Variants in MIPOL1 observed in about 807,000 individuals in gnomAD.
The protein encoded by MIPOL1 is mirror-image polydactyly gene 1 protein.
Under a neutral mutation model 60.9 loss-of-function variants are expected in MIPOL1, and 57 were observed. That is an observed-to-expected ratio of 0.94 (90% CI 0.76 to 1.17). The LOEUF is 1.17. MIPOL1 is among the 50% of genes most tolerant of loss of function. The pLI is 0.00. For missense variants in MIPOL1, 551 were observed against 511.6 expected (o/e 1.08, Z -0.74); for synonymous variants, 179 against 168.8 (o/e 1.06, Z -0.47).
intron 11 of MIPOL1, among the ~76,000 whole-genome samples, chr14:37,442,706 A>G (rs925699315): frequency 6.6e-6 from 1 of 151,274 alleles, no homozygotes; most frequent in African/African-American, 2.4e-5. Context: ...AAGGTACCAT[A>G]AAAAAAAGAA....
chr14:37,373,569 A>T (rs2092698803), intron 10 of MIPOL1, among the ~76,000 whole-genome samples: 1 of 151,440 alleles, frequency 6.6e-6, no homozygotes, highest in African/African-American at 2.4e-5. Flanking sequence ...CCCACGTGTG[A>T]TGGTCCCCTC....
intron 11 of MIPOL1, among the ~76,000 whole-genome samples, chr14:37,470,390 C>T (rs776500384): frequency 3.9e-5 from 6 of 152,106 alleles, no homozygotes; most frequent in East Asian, 1.9e-4. Context: ...AGGGGCCTGG[C>T]GGGAGGTGAT....
At chr14:37,318,116 A>G (rs764561569) in intron 9 of MIPOL1, among the ~76,000 whole-genome samples, 8 of 152,186 alleles carry the variant, frequency 5.3e-5, no homozygotes, top group Admixed American at 1.3e-4. Context: ...GGAGTGCAGC[A>G]TAAGCTAACA....
chr14:37,528,820 CAGTGTGTGTCCCATCAAAG>C (rs972756216), intron 12 of MIPOL1, among the ~76,000 whole-genome samples: 1 of 152,078 alleles, frequency 6.6e-6, no homozygotes, highest in Non-Finnish European at 1.5e-5. Flanking sequence ...CTGAAAAAGG[CAGTGTGTGTCCCATCAAAG>C]AGCTTCACTG....
At chr14:37,250,120 A>G (rs948952178) in intron 3 of MIPOL1, among the ~76,000 whole-genome samples, 8 of 152,192 alleles carry the variant, frequency 5.3e-5, no homozygotes, top group African/African-American at 1.2e-4. Context: ...ACAGTAAACT[A>G]TATAGATGCA....
chr14:37,350,325 G>T (rs1339295475), intron 9 of MIPOL1, among the ~76,000 whole-genome samples: 1 of 152,104 alleles, frequency 6.6e-6, no homozygotes, highest in Non-Finnish European at 1.5e-5. Context: ...TGGTTCTCCT[G>T]CCTCAAACCC....
intron 11 of MIPOL1, among the ~76,000 whole-genome samples, chr14:37,473,106 T>TGCAG (rs1469791978): frequency 2.0e-5 from 3 of 152,170 alleles, no homozygotes; most frequent in Admixed American, 1.3e-4. Context: ...GAGCAGATCC[T>TGCAG]GCGTGATCGA....
chr14:37,222,606 C>T (rs1484991562), intron 1 of MIPOL1, among the ~76,000 whole-genome samples: 1 of 152,148 alleles, frequency 6.6e-6, no homozygotes, highest in East Asian at 1.9e-4. Flanking sequence ...ATTGCCTTTA[C>T]TCAAGTTTCC....
chr14:37,297,748 G>A (rs2085903479), intron 7 of MIPOL1, among the ~76,000 whole-genome samples: 1 of 151,926 alleles, frequency 6.6e-6, no homozygotes, highest in Non-Finnish European at 1.5e-5. Context: ...CAACTTACAA[G>A]GGATGTGAAG....
intron 12 of MIPOL1, among the ~76,000 whole-genome samples, chr14:37,512,018 A>G (rs2095331700): frequency 6.6e-6 from 1 of 152,214 alleles, no homozygotes; most frequent in Non-Finnish European, 1.5e-5. Flanking sequence ...TTTAAAATTT[A>G]CAGGAGTTCT....
chr14:37,277,799 G>C (rs2083793158), intron 6 of MIPOL1: 1 of 151,294 alleles, frequency 6.6e-6, no homozygotes, highest in African/African-American at 2.4e-5. Flanking sequence ...TATACATAAA[G>C]ATGTGTATAC....
In MIPOL1 at chr14:37,348,007, C is replaced by T. The variant is rs547140070; in HGVS notation, c.829-21510C>T. The stretch of plus-strand genomic sequence containing the variant: ...AGGTTTGGGGTATAATTGATCCCAT[C>T]GCCCAGTTAGGGAGCACAGTACCCA... On this transcript the variant is annotated intron_variant, in intron 9 of 12. Transcript: ENST00000684589. Among the ~76,000 whole-genome samples the T allele has an allele frequency of 5.7e-4, 87 of 152,236 alleles. No homozygotes were observed. In the Middle Eastern group the frequency reaches 0.01, roughly 18 times the overall value.
At chr14:37,298,787 G>C (rs1388059267) in intron 7 of MIPOL1, among the ~76,000 whole-genome samples, 1 of 151,486 alleles carries the variant, frequency 6.6e-6, no homozygotes, top group African/African-American at 2.4e-5. Flanking sequence ...TCATTAAAAA[G>C]TCAGGAAACA....
At chr14:37,500,186 C>A in intron 12 of MIPOL1, 48 bp downstream of exon 12, 1 of 1,235,588 alleles carries the variant, frequency 8.1e-7, no homozygotes, top group Non-Finnish European at 1.1e-6. Flanking sequence ...TGAAACAAAA[C>A]AAAACACTTT....
At chr14:37,203,857 A>T (rs1198549408) in intron 1 of MIPOL1, among the ~76,000 whole-genome samples, 1 of 152,136 alleles carries the variant, frequency 6.6e-6, no homozygotes, top group Non-Finnish European at 1.5e-5. Flanking sequence ...ATCTTGGCTC[A>T]CTGCAACCTC....
chr14:37,242,145 T>A (rs923301685), intron 1 of MIPOL1, among the ~76,000 whole-genome samples: 1 of 151,882 alleles, frequency 6.6e-6, no homozygotes, highest in African/African-American at 2.4e-5. Flanking sequence ...TATTTGTAAA[T>A]ATTTAATTAT....
At chr14:37,207,198 T>C (rs1210912045) in intron 1 of MIPOL1, among the ~76,000 whole-genome samples, 2 of 152,152 alleles carry the variant, frequency 1.3e-5, no homozygotes. Context: ...ACTTGAATCA[T>C]GGGGGCAGTT....
intron 7 of MIPOL1, among the ~76,000 whole-genome samples, chr14:37,296,564 T>C (rs1474243697): frequency 2.6e-5 from 4 of 152,022 alleles, no homozygotes; most frequent in African/African-American, 4.8e-5. Context: ...TTAGCAAGAC[T>C]AATAAAGAAG....
At chr14:37,392,270 A>G (rs2093266851) in intron 10 of MIPOL1, among the ~76,000 whole-genome samples, 2 of 152,116 alleles carry the variant, frequency 1.3e-5, no homozygotes, top group South Asian at 2.1e-4. Flanking sequence ...AGTTTTGAAC[A>G]TATGGATTTT....
Sources: gnomAD v4.1 joint callset for allele counts (sites outside exome capture counted in the v4.1 genomes callset) on GRCh38, gnomAD v4.1.1 for gene constraint, MANE v1.5 for transcripts, NCBI Gene and HGNC (gene_info 2026-07-23, HGNC 2026-07-21) for gene names.